Variants in STX5 observed in about 807,000 individuals in gnomAD.
STX5 encodes syntaxin-5.
STX5 carries 15 observed loss-of-function variants against 42.9 expected under a neutral mutation model. That is an observed-to-expected ratio of 0.35 (90% confidence interval 0.23 to 0.54). STX5 has a LOEUF of 0.54. Ranked by LOEUF, STX5 falls within the 20% of genes least tolerant of loss-of-function variation. STX5 has a pLI of 0.91. For missense variants in STX5, 430 were observed against 455.0 expected (o/e 0.95, Z 0.50); for synonymous variants, 184 against 173.2 (o/e 1.06, Z -0.49).
intron 10 of STX5, among the ~76,000 whole-genome samples, chr11:62,812,615 G>C (rs1235933141): frequency 6.6e-6 from 1 of 151,030 alleles, no homozygotes; most frequent in Admixed American, 6.6e-5. Context: ...GTAGAGATGG[G>C]GTTTCACCGT....
At chr11:62,824,714 C>T in intron 8 of STX5, 149 bp from the exon 9 acceptor site, 1 of 708,544 alleles carries the variant, frequency 1.4e-6, no homozygotes, top group Non-Finnish European at 2.4e-6. Context: ...AGTTTCCTCA[C>T]CTGTAAAATG....
rs187685883 is a variant in STX5 at position 62,812,665 on chromosome 11, G to A, written c.909-5037C>T. 2.3e-4 allele frequency among the ~76,000 whole-genome samples: 35 copies of A among 150,772 alleles called. 1 individual carries two copies. In the East Asian group the frequency reaches 6.3e-3, roughly 27 times the overall value. ...TCTCGATCTCCTGACCTCGTGATTCGCCTGTCTCGCCTCCCAAAGAGCTGA... is the reference window on the plus strand; with the variant it reads ...TCTCGATCTCCTGACCTCGTGATTCACCTGTCTCGCCTCCCAAAGAGCTGA... On this transcript the variant is annotated intron_variant, in intron 10 of 10. Coordinates refer to ENST00000294179, the MANE Select transcript of STX5 (RefSeq NM_003164.5).
intron 1 of STX5, among the ~76,000 whole-genome samples, chr11:62,831,696 T>G (rs2084868630): frequency 6.6e-6 from 1 of 151,932 alleles, no homozygotes; most frequent in Non-Finnish European, 1.5e-5. Flanking sequence ...CTCTGGGTGT[T>G]TATTTGAAAC....
At position 62,814,981 on chromosome 11, in the gene STX5, T is replaced by C. The variant is rs1284506660; in HGVS notation, c.909-7353A>G. Among the ~76,000 whole-genome samples the C allele has an allele frequency of 3.3e-5, 5 of 151,874 alleles. No homozygotes were observed. The East Asian group carries it at 9.7e-4, about 29-fold the overall frequency. On this transcript the variant is annotated intron_variant, in intron 10 of 10. Coordinates refer to ENST00000294179, the MANE Select transcript of STX5 (RefSeq NM_003164.5). ...TCACTGGATATCACATATTAGGAAA[T>C]AGTTAATTCTAACAGATAGGATAAC...
chr11:62,822,183 C>CA (rs1201846173), intron 10 of STX5, among the ~76,000 whole-genome samples: 1 of 151,848 alleles, frequency 6.6e-6, no homozygotes, highest in Non-Finnish European at 1.5e-5. Flanking sequence ...GCCAATGTGG[C>CA]AAAACTCTGT....
chr11:62,819,710 T>C (rs1198100064), intron 10 of STX5, among the ~76,000 whole-genome samples: 1 of 151,756 alleles, frequency 6.6e-6, no homozygotes, highest in African/African-American at 2.4e-5. Flanking sequence ...TTGTTTTTGT[T>C]TTTTCAGAGT....
Position 62,824,275 on chromosome 11 carries a change from G to C in STX5, c.799C>G (p.Gln267Glu), listed in dbSNP as rs2084770387. Residue 267 changes from glutamine to glutamate, a missense_variant, in exon 10 of 11, where the codon CAG (glutamine) becomes GAG (glutamate). Coordinates refer to ENST00000294179, the MANE Select transcript of STX5 (RefSeq NM_003164.5). ...QLIDEQDSYIQSRADTMQNIE... is the reference protein window; with the variant it reads ...QLIDEQDSYIESRADTMQNIE... ...TTCTGCATGGTGTCTGCCCGACTCT[G>C]GATGTAGGAATCCTTCAGGAGAGGG... 1 of 1,614,070 alleles carries C rather than the reference G, an allele frequency of 6.2e-7. No individual in the cohort carries two copies. The highest frequency in any genetic ancestry group is 1.3e-5 in the African/African-American group (1 of 74,928).
intron 1 of STX5, among the ~76,000 whole-genome samples, chr11:62,831,492 G>A (rs995568890): frequency 1.3e-5 from 2 of 151,978 alleles, no homozygotes; most frequent in African/African-American, 4.8e-5. Flanking sequence ...GGCGGCCAGA[G>A]CGCGGGCCGG....
In STX5 at chr11:62,824,098, G is replaced by A; in HGVS notation, c.908+68C>T. The A allele has an allele frequency of 3.7e-6, 6 of 1,610,368 alleles. No homozygotes were observed. In the South Asian group the frequency reaches 6.6e-5, roughly 18 times the overall value. Reference sequence around the variant, plus strand: ...CCAAAAGGCATCAAGCAGTCCCTGGGGACTTTAAGATGCCAATCCACGGGG... The same window carrying A: ...CCAAAAGGCATCAAGCAGTCCCTGGAGACTTTAAGATGCCAATCCACGGGG... On this transcript the variant is annotated intron_variant, in intron 10 of 10. Transcript: ENST00000294179.
intron 8 of STX5, 23 bp downstream of exon 8, chr11:62,825,013 T>G: frequency 1.2e-6 from 2 of 1,612,666 alleles, no homozygotes; most frequent in Non-Finnish European, 1.7e-6. Context: ...CTCCCAGGGC[T>G]CCCCGTTTTA....
chr11:62,812,803 C>T (rs928366539), intron 10 of STX5, among the ~76,000 whole-genome samples: 3 of 151,730 alleles, frequency 2.0e-5, no homozygotes, highest in Non-Finnish European at 4.4e-5. Flanking sequence ...TTCCCTAGGT[C>T]TCAGCTGAAA....
rs1328184101 is a variant in STX5, at chr11:62,807,564, A to G, written c.973T>C (p.Tyr325His). The part of the protein sequence containing the change: ...VEAAHSEILK[Y>H]FQSVTSNRWL... Reference sequence around the variant, plus strand: ...CGGTTGGAGGTGACAGACTGGAAGTACTTGAGGATCTCTGAATGGGCGGCC... The same window carrying G: ...CGGTTGGAGGTGACAGACTGGAAGTGCTTGAGGATCTCTGAATGGGCGGCC... The change falls in exon 11 of 11, where the codon TAC becomes CAC. Residue 325 changes from tyrosine to histidine, a missense_variant. Tyr to His is a moderately conservative substitution (Grantham distance 83). Transcript: ENST00000294179. 2 of 1,614,176 alleles carry G rather than the reference A, an allele frequency of 1.2e-6. No individual in the cohort carries two copies. Among genetic ancestry groups the G allele is most frequent in the Non-Finnish European group, 1.7e-6 (2 of 1,180,018 alleles).
At chr11:62,808,731 A>G (rs1041106320) in intron 10 of STX5, among the ~76,000 whole-genome samples, 3 of 152,232 alleles carry the variant, frequency 2.0e-5, no homozygotes, top group African/African-American at 7.2e-5. Flanking sequence ...CCAAGGGATG[A>G]GTGTGCTTAA....
chr11:62,813,080 T>G, intron 10 of STX5, among the ~76,000 whole-genome samples: 1 of 125,774 alleles, frequency 8.0e-6, no homozygotes, highest in Non-Finnish European at 1.6e-5. Context: ...GGTGGCAGAG[T>G]GAGACTCCGT....
intron 10 of STX5, among the ~76,000 whole-genome samples, chr11:62,819,324 C>T (rs1190219337): frequency 9.0e-6 from 1 of 111,062 alleles, no homozygotes; most frequent in Non-Finnish European, 1.8e-5. Flanking sequence ...TGAAAGAAAA[C>T]TGAAAGAAAT....
At chr11:62,812,551 T>G (rs986771626) in intron 10 of STX5, among the ~76,000 whole-genome samples, 1 of 151,946 alleles carries the variant, frequency 6.6e-6, no homozygotes, top group Non-Finnish European at 1.5e-5. Flanking sequence ...CCCTAGTAGC[T>G]GGGACTACAG....
chr11:62,810,411 T>C (rs2084604916), intron 10 of STX5, among the ~76,000 whole-genome samples: 2 of 152,156 alleles, frequency 1.3e-5, no homozygotes, highest in Non-Finnish European at 2.9e-5. Context: ...TACTGCACTA[T>C]AGCCTGAGTG....
chr11:62,817,422 A>T lies in STX5; in HGVS notation c.908+6744T>A, dbSNP rs527521446. ...CATAAATTACATAAACCACAGAGGA[A>T]ATATAAAAAACAATGATCTTAGTTC... On this transcript the variant is annotated intron_variant, in intron 10 of 10. Transcript: ENST00000294179. Among the ~76,000 whole-genome samples the T allele has an allele frequency of 7.4e-4, 113 of 152,322 alleles. No homozygotes were observed. In the South Asian group the frequency reaches 0.022, roughly 29 times the overall value.
intron 10 of STX5, among the ~76,000 whole-genome samples, chr11:62,816,482 T>C (rs2084674436): frequency 6.6e-6 from 1 of 152,092 alleles, no homozygotes; most frequent in Admixed American, 6.6e-5. Flanking sequence ...GGTCTTGCTA[T>C]GTTGCCTAGG....
Sources: gnomAD v4.1 joint callset for allele counts (sites outside exome capture counted in the v4.1 genomes callset) on GRCh38, gnomAD v4.1.1 for gene constraint, MANE v1.5 for transcripts, NCBI Gene and HGNC (gene_info 2026-07-23, HGNC 2026-07-21) for gene names.